The following IL1RAPL2 variants were observed in gnomAD, a reference collection of about 807,000 sequenced individuals.
IL1RAPL2 encodes the protein X-linked interleukin-1 receptor accessory protein-like 2.
A neutral mutation model predicts 44.1 loss-of-function variants in IL1RAPL2; 3 were observed. The observed-to-expected ratio is 0.07, with a 90% CI of 0.03 to 0.18. IL1RAPL2 has a LOEUF of 0.18. Ranked by LOEUF, IL1RAPL2 falls within the 10% of genes least tolerant of loss-of-function variation. IL1RAPL2 has a pLI of 1.00. For synonymous variants in IL1RAPL2, 181 were observed against 178.8 expected (o/e 1.01, Z -0.10); for missense variants, 391 against 496.4 (o/e 0.79, Z 2.02).
intron 2 of IL1RAPL2, among the ~76,000 whole-genome samples, chrX:104,715,566 A>G (rs1454798312): frequency 1.8e-5 from 2 of 109,467 alleles, no homozygotes; most frequent in Middle Eastern, 4.7e-3. Flanking sequence ...CTGATAAACA[A>G]CTTCACAAAG....
chrX:105,503,250 C>G (rs2036408636), intron 6 of IL1RAPL2, among the ~76,000 whole-genome samples: 1 of 111,318 alleles, frequency 9.0e-6, no homozygotes. Flanking sequence ...TCAAAGCAAT[C>G]TCTTAAATCC....
intron 2 of IL1RAPL2, among the ~76,000 whole-genome samples, chrX:104,825,160 G>C (rs1040227426): frequency 3.6e-5 from 4 of 111,410 alleles, no homozygotes; most frequent in African/African-American, 1.3e-4. Context: ...GGGTTCTCAG[G>C]GGAGATGATC....
At chrX:105,051,162 G>A (rs1240539446) in intron 2 of IL1RAPL2, among the ~76,000 whole-genome samples, 1 of 104,206 alleles carries the variant, frequency 9.6e-6, no homozygotes, top group African/African-American at 3.5e-5. Context: ...TTTTGCCCAG[G>A]AATCTGTCTG....
At chrX:105,192,076 C>G (rs189540811) in intron 2 of IL1RAPL2, among the ~76,000 whole-genome samples, 41 of 112,041 alleles carry the variant, frequency 3.7e-4, no homozygotes, top group East Asian at 1.7e-3. Flanking sequence ...AGTTGGCTCC[C>G]TCTATGGGCT....
At chrX:104,851,545 A>G (rs1342357454) in intron 2 of IL1RAPL2, among the ~76,000 whole-genome samples, 1 of 111,753 alleles carries the variant, frequency 8.9e-6, no homozygotes, top group African/African-American at 3.3e-5. Context: ...TGAGAATCTG[A>G]GAGAAGATTC....
At chrX:105,699,114 G>A (rs1283223303) in intron 6 of IL1RAPL2, among the ~76,000 whole-genome samples, 1 of 110,982 alleles carries the variant, frequency 9.0e-6, no homozygotes, top group Non-Finnish European at 1.9e-5. Flanking sequence ...TTTAAAATGT[G>A]TTACATATAC....
intron 5 of IL1RAPL2, among the ~76,000 whole-genome samples, chrX:105,447,075 T>TTATATATATA (rs1205983853): frequency 0.043 from 719 of 16,824 alleles, 28 homozygotes; most frequent in South Asian, 0.053. Context: ...CTGGTTAAAA[T>TTATATATATA]TATATATATA....
intron 2 of IL1RAPL2, among the ~76,000 whole-genome samples, chrX:104,779,211 G>T (rs1032473820): frequency 2.7e-5 from 3 of 112,431 alleles, no homozygotes; most frequent in Non-Finnish European, 5.6e-5. Flanking sequence ...AGAATTTGAA[G>T]ATGAGGAAGA....
intron 2 of IL1RAPL2, among the ~76,000 whole-genome samples, chrX:104,882,213 C>T (rs1482486466): frequency 9.0e-6 from 1 of 111,670 alleles, no homozygotes; most frequent in Non-Finnish European, 1.9e-5. Flanking sequence ...AAAGTTGGGG[C>T]CTGGCTTCAG....
intron 3 of IL1RAPL2, among the ~76,000 whole-genome samples, chrX:105,198,498 C>G (rs1358361543): frequency 8.9e-6 from 1 of 112,310 alleles, no homozygotes; most frequent in Non-Finnish European, 1.9e-5. Context: ...TTCCTGTACA[C>G]TTTATATCCA....
At chrX:104,796,566 A>G (rs1168217949) in intron 2 of IL1RAPL2, among the ~76,000 whole-genome samples, 3 of 111,730 alleles carry the variant, frequency 2.7e-5, no homozygotes, top group Middle Eastern at 4.6e-3. Flanking sequence ...GGTGATGGGG[A>G]AAATGGTACT....
chrX:105,037,007 C>T (rs766629301), intron 2 of IL1RAPL2, among the ~76,000 whole-genome samples: 4 of 111,954 alleles, frequency 3.6e-5, no homozygotes, highest in South Asian at 3.7e-4. Context: ...CCAAGAAACA[C>T]GGAAATCTAG....
intron 2 of IL1RAPL2, among the ~76,000 whole-genome samples, chrX:104,754,556 C>T (rs907880768): frequency 4.5e-5 from 5 of 111,177 alleles, no homozygotes; most frequent in African/African-American, 9.8e-5. Flanking sequence ...AGGCTAGGAA[C>T]GCTCATTAAT....
intron 2 of IL1RAPL2, among the ~76,000 whole-genome samples, chrX:104,722,996 C>G (rs1197584794): frequency 9.0e-6 from 1 of 110,933 alleles, no homozygotes; most frequent in Non-Finnish European, 1.9e-5. Flanking sequence ...AATAGGGAAG[C>G]CTTCAAGAAC....
At chrX:104,946,658 A>T (rs1204378599) in intron 2 of IL1RAPL2, among the ~76,000 whole-genome samples, 5 of 96,567 alleles carry the variant, frequency 5.2e-5, no homozygotes, top group African/African-American at 1.9e-4. Flanking sequence ...GAGTGAGAAT[A>T]TGCGGTGTTT....
intron 7 of IL1RAPL2, among the ~76,000 whole-genome samples, chrX:105,734,139 T>A (rs1156637230): frequency 9.0e-6 from 1 of 110,904 alleles, no homozygotes; most frequent in Non-Finnish European, 1.9e-5. Context: ...AGGTTTTTTT[T>A]TTGCAAATAA....
chrX:105,142,127 A>G (rs1214723747), intron 2 of IL1RAPL2, among the ~76,000 whole-genome samples: 1 of 111,553 alleles, frequency 9.0e-6, no homozygotes, highest in African/African-American at 3.3e-5. Flanking sequence ...CTCTGAAAAA[A>G]AATAAGAATT....
At chrX:105,440,625 A>T (rs927621992) in intron 5 of IL1RAPL2, among the ~76,000 whole-genome samples, 5 of 112,363 alleles carry the variant, frequency 4.4e-5, no homozygotes, top group African/African-American at 1.6e-4. Flanking sequence ...GCAGAGAAAA[A>T]TATCACCAAC....
intron 2 of IL1RAPL2, among the ~76,000 whole-genome samples, chrX:104,744,730 T>C (rs1792984164): frequency 9.0e-6 from 1 of 111,352 alleles, no homozygotes; most frequent in Admixed American, 9.6e-5. Flanking sequence ...ATTCTCTCTG[T>C]GTCTTTTAAA....
Sources: allele counts gnomAD v4.1 joint callset (sites outside exome capture counted in the v4.1 genomes callset), GRCh38; gene constraint gnomAD v4.1.1; transcripts MANE v1.5; gene names NCBI Gene and HGNC (gene_info 2026-07-23, HGNC 2026-07-21).